The following IL19 variants were observed in gnomAD, a reference collection of about 807,000 sequenced individuals.
IL19 encodes interleukin-19.
A neutral mutation model predicts 19.5 loss-of-function variants in IL19; 15 were observed. That is an observed-to-expected ratio of 0.77 (90% CI 0.52 to 1.19). The LOEUF (loss-of-function observed/expected upper bound fraction) is 1.19. Among genes scored for constraint, IL19 ranks in the 50% most tolerant of loss-of-function variants. The pLI is 0.00. For synonymous variants in IL19, 78 were observed against 78.3 expected (o/e 1.00, Z 0.02); for missense variants, 199 against 213.1 (o/e 0.93, Z 0.41).
intron 1 of IL19, among the ~76,000 whole-genome samples, chr1:206,794,014 A>G (rs539407997): frequency 6.6e-5 from 10 of 152,268 alleles, no homozygotes; most frequent in Admixed American, 2.6e-4. Context: ...CCACCACTTA[A>G]TGTTCCAAAG....
intron 2 of IL19, among the ~76,000 whole-genome samples, chr1:206,830,958 A>G (rs929936535): frequency 6.6e-6 from 1 of 152,148 alleles, no homozygotes. Context: ...TCTTTCTCAA[A>G]TCTAACCAAA....
chr1:206,834,507 A>T, intron 2 of IL19: 1 of 898,684 alleles, frequency 1.1e-6, no homozygotes, highest in Non-Finnish European at 1.3e-6. Flanking sequence ...TATGGCTATG[A>T]TGTTCCAGAT....
intron 1 of IL19, among the ~76,000 whole-genome samples, chr1:206,791,999 C>A (rs1238799118): frequency 2.6e-5 from 4 of 152,138 alleles, no homozygotes; most frequent in African/African-American, 9.7e-5. Context: ...TTGGATTTAT[C>A]ATCTCTTCTG....
intron 1 of IL19, among the ~76,000 whole-genome samples, chr1:206,779,663 T>G (rs972929388): frequency 5.9e-5 from 9 of 152,344 alleles, no homozygotes; most frequent in African/African-American, 2.2e-4. Context: ...CTTCCATGGC[T>G]TCCCACTTTC....
chr1:206,790,420 TG>T (rs1198865507), intron 1 of IL19, among the ~76,000 whole-genome samples: 2 of 152,044 alleles, frequency 1.3e-5, no homozygotes, highest in Admixed American at 1.3e-4. Flanking sequence ...CCCCGTCTAC[TG>T]CAGGGGAAGG....
At chr1:206,824,466 G>A (rs1421411507) in intron 2 of IL19, among the ~76,000 whole-genome samples, 2 of 152,224 alleles carry the variant, frequency 1.3e-5, no homozygotes, top group Non-Finnish European at 2.9e-5. Context: ...AGTGAGTTAA[G>A]TTTATGTTTC....
chr1:206,808,565 A>C (rs1675918450), intron 2 of IL19, among the ~76,000 whole-genome samples: 1 of 151,806 alleles, frequency 6.6e-6, no homozygotes, highest in South Asian at 2.1e-4. Context: ...GGAAAAAACT[A>C]GGTGAGCAGA....
rs1558624745 is a variant in IL19 at position 206,841,010 on chromosome 1, C to G, written c.370C>G (p.Gln124Glu). ...MQKTLRQCQE[Q>E]RQCHCRQEAT... ...TTCCTCCACTTTATCACAGCAGGAA[C>G]AGAGGCAGTGTCACTGCAGGCAGGA... Residue 124 changes from glutamine (Q) to glutamate (E), a missense_variant, in exon 6 of 7, where the codon CAG becomes GAG. Gln to Glu is a conservative substitution (Grantham distance 29). Transcript: ENST00000659997. 1 of 1,613,686 alleles carries G rather than the reference C, an allele frequency of 6.2e-7. No individual in the cohort carries two copies. The highest frequency in any genetic ancestry group is 8.5e-7 in the Non-Finnish European group (1 of 1,179,690).
intron 2 of IL19, among the ~76,000 whole-genome samples, chr1:206,817,784 G>A (rs1436473573): frequency 2.0e-5 from 3 of 148,766 alleles, no homozygotes; most frequent in African/African-American, 7.5e-5. Context: ...TTTAATTTGA[G>A]ACAAAGTCTT....
chr1:206,827,429 G>A (rs1050005695), intron 2 of IL19, among the ~76,000 whole-genome samples: 1 of 152,068 alleles, frequency 6.6e-6, no homozygotes, highest in Admixed American at 6.5e-5. Flanking sequence ...GGTGGCTCAC[G>A]CCTGTAATCC....
At chr1:206,789,389 T>C (rs1675339928) in intron 1 of IL19, among the ~76,000 whole-genome samples, 1 of 152,182 alleles carries the variant, frequency 6.6e-6, no homozygotes, top group Admixed American at 6.5e-5. Context: ...CCCTTATGCC[T>C]TTGTGAATCC....
At chr1:206,841,251 C>T (rs1412917403) in intron 6 of IL19, among the ~76,000 whole-genome samples, 173 bp downstream of exon 6, 2 of 152,188 alleles carry the variant, frequency 1.3e-5, no homozygotes, top group Non-Finnish European at 2.9e-5. Flanking sequence ...ACCTCATTTG[C>T]TAATCTCCTG....
chr1:206,803,267 G>A (rs74148799), intron 2 of IL19, among the ~76,000 whole-genome samples: 2,826 of 152,210 alleles, frequency 0.019, 80 homozygotes, highest in African/African-American at 0.064. Context: ...CCAGGAAGTC[G>A]GGGTTGGATG....
At chr1:206,814,144 G>T (rs973636857) in intron 2 of IL19, among the ~76,000 whole-genome samples, 2 of 151,912 alleles carry the variant, frequency 1.3e-5, no homozygotes, top group Non-Finnish European at 2.9e-5. Flanking sequence ...AAACTGTTGT[G>T]GTTTCCATCT....
rs2243167 is a variant in IL19, at chr1:206,835,746, G to A, written c.-2-915G>A. Among the ~76,000 whole-genome samples, 1,341 of 152,322 alleles carry A rather than the reference G, an allele frequency of 8.8e-3. 16 individuals carry two copies. Among genetic ancestry groups the A allele is most frequent in the African/African-American group, 0.03 (1,251 of 41,560 alleles). ...TCACATGTGTTGTCATAAGACATGC[G>A]TTAAGGCTAAGCTCTATTTATAAGC... On this transcript the variant is annotated intron_variant, in intron 2 of 6. Transcript: ENST00000659997.
chr1:206,787,303 A>T (rs188060386), intron 1 of IL19, among the ~76,000 whole-genome samples: 10 of 152,178 alleles, frequency 6.6e-5, no homozygotes, highest in Non-Finnish European at 1.3e-4. Flanking sequence ...TCCAGTGCTT[A>T]TGACCATCCT....
In IL19 at chr1:206,823,663, T is replaced by G. The variant is rs553720721; in HGVS notation, c.-2-12998T>G. 7.2e-5 allele frequency among the ~76,000 whole-genome samples: 11 copies of G among 152,336 alleles called. 1 individual carries two copies. The South Asian group carries it at 1.9e-3, about 26-fold the overall frequency. On this transcript the variant is annotated intron_variant, in intron 2 of 6. Transcript: ENST00000659997. Reference sequence around the variant, plus strand: ...TTCCATTATCTATTTTATTTTTGTGTTCTCTATAATTTTTCCATACCAAAG... The same window carrying G: ...TTCCATTATCTATTTTATTTTTGTGGTCTCTATAATTTTTCCATACCAAAG...
intron 1 of IL19, among the ~76,000 whole-genome samples, chr1:206,797,857 A>G (rs1675563968): frequency 6.6e-6 from 1 of 152,230 alleles, no homozygotes; most frequent in African/African-American, 2.4e-5. Flanking sequence ...CCACGTGACT[A>G]TGAGATGAAG....
intron 2 of IL19, among the ~76,000 whole-genome samples, chr1:206,825,085 A>G (rs761100700): frequency 2.0e-5 from 3 of 152,162 alleles, no homozygotes; most frequent in Admixed American, 6.5e-5. Flanking sequence ...AATGTTACTA[A>G]TTTAGGGTTC....
Sources: allele counts gnomAD v4.1 joint callset (sites outside exome capture counted in the v4.1 genomes callset), GRCh38; gene constraint gnomAD v4.1.1; transcripts MANE v1.5; gene names NCBI Gene and HGNC (gene_info 2026-07-23, HGNC 2026-07-21).